The following TRPM1 variants were observed in gnomAD, a reference collection of about 807,000 sequenced individuals.
The protein encoded by TRPM1 is transient receptor potential cation channel subfamily M member 1.
TRPM1 carries 113 observed loss-of-function variants against 149.4 expected under a neutral mutation model. The ratio of observed to expected loss-of-function variants is 0.76; its 90% CI spans 0.65 to 0.88. The LOEUF (loss-of-function observed/expected upper bound fraction) is 0.88, where lower values mean the gene tolerates loss of function less well. Among genes scored for constraint, TRPM1 ranks in the 40% least tolerant of loss-of-function variants. TRPM1 has a pLI of 0.00. For synonymous variants in TRPM1, 741 were observed against 759.5 expected, an observed-to-expected ratio of 0.98 and a Z score of 0.40; for missense variants, 1,976 against 2,038.7, an observed-to-expected ratio of 0.97 and a Z score of 0.59.
chr15:31,052,747 C>A (rs1300146259), intron 11 of TRPM1, among the ~76,000 whole-genome samples: 1 of 152,140 alleles, frequency 6.6e-6, no homozygotes, highest in Non-Finnish European at 1.5e-5. Flanking sequence ...TGCACTCCAG[C>A]CTGGGTGACA....
upstream of TRPM1, among the ~76,000 whole-genome samples, chr15:31,106,487 G>A (rs1001744691): frequency 2.6e-5 from 4 of 152,122 alleles, no homozygotes; most frequent in Non-Finnish European, 4.4e-5. Context: ...CACTTTTTAA[G>A]TATAAATATA....
chr15:31,147,330 A>G (rs1159877776), intron 1 of TRPM1, among the ~76,000 whole-genome samples: 1 of 152,266 alleles, frequency 6.6e-6, no homozygotes, highest in Non-Finnish European at 1.5e-5. Context: ...AATTTCCATA[A>G]ACATTTTACT....
chr15:31,065,098 C>T (rs187960998), intron 7 of TRPM1: 14 of 534,584 alleles, frequency 2.6e-5, no homozygotes, highest in African/African-American at 1.5e-4. Flanking sequence ...GAGCCCTAGG[C>T]GAAGGATGAC....
In TRPM1 at chr15:31,026,178, T is replaced by A. The variant is rs948369031; in HGVS notation, c.3590A>T (p.Gln1197Leu). The A allele has an allele frequency of 1.2e-6, 2 of 1,612,480 alleles. No homozygotes were observed. Among genetic ancestry groups the A allele is most frequent in the East Asian group, 2.2e-5 (1 of 44,890 alleles). ...EHFREKEDEQ[Q>L]SSSDERIRVT... ...CCGGATGCGCTCGTCGCTGGACGAC[T>A]GCTGCTCATCCTCCTTCTCCCGGAA... The change falls in exon 27 of 28, where the codon CAG becomes CTG. Residue 1197 changes from glutamine (Q) to leucine (L), a missense_variant. Around this residue, in one of 3 missense-constraint regions of TRPM1, gnomAD observed 572 missense variants for 578.9 expected, o/e 0.99. Coordinates refer to ENST00000256552, the MANE Select transcript of TRPM1 (RefSeq NM_001252024.2).
intron 14 of TRPM1, 72 bp downstream of exon 14, chr15:31,047,817 T>G: frequency 7.8e-7 from 1 of 1,275,990 alleles, no homozygotes; most frequent in South Asian, 1.2e-5. Flanking sequence ...TTTTGAAAAT[T>G]TAAAACTTGC....
In TRPM1 at chr15:31,028,491, T is replaced by C. The variant is rs375212890; in HGVS notation, c.3149-15A>G. ...ACCACAAGGAGCTGAAAGAAAAAAA[T>C]AGTTTTGTCTTTGCTTTTTACATAT... On this transcript the variant is annotated splice_polypyrimidine_tract_variant and intron_variant, in intron 24 of 27. Transcript: ENST00000256552. 1.9e-5 allele frequency: 31 copies of C among 1,613,648 alleles called. No individual in the cohort carries two copies. The South Asian group carries it at 2.4e-4, about 13-fold the overall frequency.
intron 1 of TRPM1, among the ~76,000 whole-genome samples, chr15:31,130,862 T>C (rs2036007498): frequency 6.6e-6 from 1 of 152,154 alleles, no homozygotes; most frequent in Non-Finnish European, 1.5e-5. Flanking sequence ...GGAGACTGAT[T>C]TGAGTAATAA....
At chr15:31,090,642 C>G (rs887130783) in intron 1 of TRPM1, among the ~76,000 whole-genome samples, 2 of 140,722 alleles carry the variant, frequency 1.4e-5, no homozygotes, top group Non-Finnish European at 3.1e-5. Context: ...ATCTCAAAAA[C>G]AAAAAAGAAA....
intron 1 of TRPM1, among the ~76,000 whole-genome samples, chr15:31,091,682 C>T (rs767607912): frequency 1.3e-5 from 2 of 152,074 alleles, no homozygotes; most frequent in Non-Finnish European, 2.9e-5. Flanking sequence ...TTCACATGTG[C>T]GCTGTGTTCC....
chr15:31,067,282 T>C, intron 5 of TRPM1, 95 bp from the exon 6 acceptor site: 2 of 1,558,694 alleles, frequency 1.3e-6, no homozygotes, highest in Non-Finnish European at 1.8e-6. Flanking sequence ...GTCCCTACAT[T>C]CCCTACAGAT....
chr15:31,149,769 T>C (rs1189290772), intron 1 of TRPM1, among the ~76,000 whole-genome samples: 1 of 152,140 alleles, frequency 6.6e-6, no homozygotes, highest in Non-Finnish European at 1.5e-5. Flanking sequence ...TCCGCCCGCC[T>C]TGGCCTCCCA....
At chr15:31,141,651 G>GA (rs61592164) in intron 1 of TRPM1, among the ~76,000 whole-genome samples, 24,366 of 152,014 alleles carry the variant, frequency 0.16, 2,290 homozygotes, top group African/African-American at 0.27. Context: ...AATGACAGGG[G>GA]AAAAAAGTAT....
intron 1 of TRPM1, among the ~76,000 whole-genome samples, chr15:31,144,149 C>G (rs1471799349): frequency 6.6e-6 from 1 of 152,220 alleles, no homozygotes; most frequent in East Asian, 1.9e-4. Context: ...TTTTCAAAGT[C>G]CCATCTGAGG....
chr15:31,067,018 C>A (rs373171677), intron 6 of TRPM1, 45 bp downstream of exon 6: 6 of 1,612,834 alleles, frequency 3.7e-6, no homozygotes, highest in East Asian at 4.5e-5. Context: ...CAAAATCAAT[C>A]ATTAATTTTA....
chr15:31,061,585 A>G, intron 9 of TRPM1, 71 bp from the exon 10 acceptor site: 1 of 1,291,772 alleles, frequency 7.7e-7, no homozygotes, highest in African/African-American at 1.5e-5. Context: ...TTGTTACAAA[A>G]TGACCACAGA....
intron 27 of TRPM1, among the ~76,000 whole-genome samples, chr15:31,017,914 A>G (rs1278158328): frequency 1.3e-5 from 2 of 152,218 alleles, no homozygotes; most frequent in East Asian, 1.9e-4. Context: ...TCTATTAAAC[A>G]TAAGGTCCAA....
intron 1 of TRPM1, among the ~76,000 whole-genome samples, chr15:31,144,712 A>T (rs58001248): frequency 0.062 from 6,739 of 108,210 alleles, 512 homozygotes; most frequent in African/African-American, 0.19. Context: ...TGTTTTTGAG[A>T]TTTTTTTTTT....
chr15:31,029,337 A>G (rs753193027), intron 24 of TRPM1, 34 bp downstream of exon 24: 7 of 1,606,166 alleles, frequency 4.4e-6, no homozygotes, highest in Admixed American at 1.7e-5. Flanking sequence ...AACACATTCC[A>G]TAGACTAGAA....
chr15:31,149,750 A>C (rs967287942), intron 1 of TRPM1, among the ~76,000 whole-genome samples: 2 of 151,952 alleles, frequency 1.3e-5, no homozygotes, highest in Admixed American at 6.5e-5. Context: ...CGATCTCCTG[A>C]CCTTGTGATC....
Sources: gnomAD v4.1 joint callset for allele counts (sites outside exome capture counted in the v4.1 genomes callset) on GRCh38, gnomAD v4.1.1 for gene constraint, gnomAD v4.1.1 regional missense constraint, MANE v1.5 for transcripts, NCBI Gene and HGNC (gene_info 2026-07-23, HGNC 2026-07-21) for gene names.